CA10: variants seen among roughly 807,000 people sequenced by gnomAD.
CA10 encodes the protein carbonic anhydrase-related protein 10.
Under a neutral mutation model 44.2 loss-of-function variants are expected in CA10, and 14 were observed. The observed-to-expected ratio is 0.32, with a 90% CI of 0.21 to 0.50. The LOEUF (loss-of-function observed/expected upper bound fraction) is 0.50, where lower values mean the gene tolerates loss of function less well. Ranked by LOEUF, CA10 falls within the 20% of genes least tolerant of loss-of-function variation. The pLI, the probability that CA10 is intolerant of heterozygous loss-of-function variation, is 0.99. For missense variants in CA10, 350 were observed against 409.7 expected, an observed-to-expected ratio of 0.85 and a Z score of 1.26; for synonymous variants, 159 against 141.6, an observed-to-expected ratio of 1.12 and a Z score of -0.87.
rs1454345018 is a variant in CA10 at position 51,850,178 on chromosome 17, G to C, written c.279+80812C>G. 2.0e-5 allele frequency among the ~76,000 whole-genome samples: 3 copies of C among 152,198 alleles called. No individual in the cohort carries two copies. In the East Asian group the frequency reaches 5.8e-4, roughly 29 times the overall value. ...TTTAGCAAACTGCTCACATATATCA[G>C]TGTATTACAGGTGCCTGGAAAAGCA... On this transcript the variant is annotated intron_variant, in intron 3 of 8. Transcript: ENST00000451037.
intron 6 of CA10, among the ~76,000 whole-genome samples, chr17:51,648,175 A>AT (rs1171607123): frequency 9.2e-5 from 14 of 151,676 alleles, no homozygotes; most frequent in Admixed American, 3.9e-4. Context: ...GTACACATTC[A>AT]TTTTTTTTTC....
At chr17:51,772,999 T>C (rs1905668020) in intron 3 of CA10, among the ~76,000 whole-genome samples, 1 of 152,174 alleles carries the variant, frequency 6.6e-6, no homozygotes, top group African/African-American at 2.4e-5. Flanking sequence ...CATTGCTTTA[T>C]GTGCACACCA....
chr17:51,769,375 A>G (rs561760914), intron 3 of CA10, among the ~76,000 whole-genome samples: 1 of 152,312 alleles, frequency 6.6e-6, no homozygotes, highest in East Asian at 1.9e-4. Flanking sequence ...GTGGGGACTG[A>G]GGAGTAAATA....
Position 51,740,326 on chromosome 17 carries a change from G to A in CA10, c.465+7307C>T, listed in dbSNP as rs552385756. 8.5e-5 allele frequency among the ~76,000 whole-genome samples: 13 copies of A among 152,214 alleles called. No individual in the cohort carries two copies. The South Asian group carries it at 1.0e-3, about 12-fold the overall frequency. On this transcript the variant is annotated intron_variant, in intron 4 of 8. Transcript: ENST00000451037. ...TAGGCTCCTTACAGGTAGGCACTAT[G>A]GCCTATCAGTCTTTGAATTTCCCTA...
chr17:51,747,649 T>G lies in CA10; in HGVS notation c.449A>C (p.Gln150Pro). Residue 150 changes from glutamine (Q) to proline (P), a missense_variant, in exon 4 of 9, where the codon CAG (glutamine) becomes CCG (proline). Gln to Pro is a moderately conservative substitution (Grantham distance 76). Coordinates refer to ENST00000451037, the MANE Select transcript of CA10 (RefSeq NM_020178.5). The part of the protein sequence containing the change: ...SQGSEHLLNG[Q>P]AFSGEVQLIH... Reference sequence around the variant, plus strand: ...CTAACATACCTCCCCAGAGAAGGCCTGTCCATTGAGGAGGTGCTCCGACCC... The same window carrying G: ...CTAACATACCTCCCCAGAGAAGGCCGGTCCATTGAGGAGGTGCTCCGACCC... 6.2e-7 allele frequency: 1 copy of G among 1,612,856 alleles called. No homozygotes were observed. Among genetic ancestry groups the G allele is most frequent in the Non-Finnish European group, 8.5e-7 (1 of 1,179,482 alleles).
At chr17:52,007,591 TA>T (rs1240899614) in intron 2 of CA10, among the ~76,000 whole-genome samples, 1 of 151,612 alleles carries the variant, frequency 6.6e-6, no homozygotes, top group Non-Finnish European at 1.5e-5. Context: ...GAAAAAGACT[TA>T]AAAAATAGTT....
At chr17:51,650,195 C>T (rs1253116253) in intron 5 of CA10, among the ~76,000 whole-genome samples, 1 of 152,138 alleles carries the variant, frequency 6.6e-6, no homozygotes, top group Non-Finnish European at 1.5e-5. Context: ...TGTGGCCCTA[C>T]ATAAGAAAAG....
chr17:51,851,090 A>G (rs1978773823), intron 3 of CA10, among the ~76,000 whole-genome samples: 2 of 152,190 alleles, frequency 1.3e-5, no homozygotes, highest in African/African-American at 4.8e-5. Flanking sequence ...GGAGTCTAGA[A>G]AGACCAAGAT....
At chr17:52,125,409 C>T (rs1415158003) in intron 1 of CA10, among the ~76,000 whole-genome samples, 2 of 152,156 alleles carry the variant, frequency 1.3e-5, no homozygotes, top group African/African-American at 4.8e-5. Flanking sequence ...ACCCAAACAT[C>T]CCAGAGTATC....
At chr17:51,634,113 T>C (rs548481061) in intron 7 of CA10, among the ~76,000 whole-genome samples, 1 of 152,338 alleles carries the variant, frequency 6.6e-6, no homozygotes, top group Non-Finnish European at 1.5e-5. Flanking sequence ...GTGGCTGGAC[T>C]GTTTGCAGCC....
intron 2 of CA10, among the ~76,000 whole-genome samples, chr17:52,017,130 C>T (rs184524425): frequency 4.5e-4 from 69 of 152,184 alleles, no homozygotes; most frequent in African/African-American, 1.6e-3. Context: ...TACCCAATTT[C>T]AAATATTCCT....
intron 4 of CA10, among the ~76,000 whole-genome samples, chr17:51,716,309 G>A (rs1230631808): frequency 6.6e-6 from 1 of 152,136 alleles, no homozygotes; most frequent in African/African-American, 2.4e-5. Flanking sequence ...GGGTTGGGAT[G>A]GAAGAGCCCT....
At chr17:51,862,199 G>T (rs558440242) in intron 3 of CA10, among the ~76,000 whole-genome samples, 5 of 152,340 alleles carry the variant, frequency 3.3e-5, no homozygotes, top group Non-Finnish European at 5.9e-5. Context: ...TCTGTATGAT[G>T]AAGGATCAGC....
At chr17:51,851,805 C>T (rs899671791) in intron 3 of CA10, among the ~76,000 whole-genome samples, 1 of 152,204 alleles carries the variant, frequency 6.6e-6, no homozygotes, top group South Asian at 2.1e-4. Flanking sequence ...TCATGAATTA[C>T]TTTCTCCTGC....
intron 1 of CA10, among the ~76,000 whole-genome samples, chr17:52,093,711 C>T (rs189029328): frequency 4.6e-4 from 70 of 152,066 alleles, no homozygotes; most frequent in African/African-American, 1.6e-3. Context: ...ATGCAAGAGA[C>T]CAGTGCTCCT....
At chr17:51,794,992 T>C (rs1906652539) in intron 3 of CA10, among the ~76,000 whole-genome samples, 1 of 152,194 alleles carries the variant, frequency 6.6e-6, no homozygotes, top group African/African-American at 2.4e-5. Flanking sequence ...CCACAAAGAA[T>C]GCAGGATGGC....
chr17:51,744,928 G>A (rs753613574), intron 4 of CA10, among the ~76,000 whole-genome samples: 1 of 152,152 alleles, frequency 6.6e-6, no homozygotes, highest in African/African-American at 2.4e-5. Flanking sequence ...ATACCAGTTC[G>A]TCTATAGACC....
chr17:51,660,059 T>G (rs1267033505), intron 4 of CA10, among the ~76,000 whole-genome samples: 1 of 152,192 alleles, frequency 6.6e-6, no homozygotes, highest in Admixed American at 6.5e-5. Context: ...AGCCCATGAC[T>G]TTTAAAAATG....
intron 3 of CA10, among the ~76,000 whole-genome samples, chr17:51,774,049 T>A (rs868448197): frequency 2.6e-5 from 4 of 152,256 alleles, no homozygotes; most frequent in African/African-American, 9.6e-5. Context: ...TTCTTTGTTC[T>A]CTTTGATTCT....
Sources: gnomAD v4.1 joint callset for allele counts (sites outside exome capture counted in the v4.1 genomes callset) on GRCh38, gnomAD v4.1.1 for gene constraint, MANE v1.5 for transcripts, NCBI Gene and HGNC (gene_info 2026-07-23, HGNC 2026-07-21) for gene names.